Variants in DENND2C observed in about 807,000 individuals in gnomAD.
DENND2C encodes the protein DENN domain-containing protein 2C.
DENND2C carries 72 observed loss-of-function variants against 112.4 expected under a neutral mutation model. The observed-to-expected ratio is 0.64, with a 90% CI of 0.53 to 0.78. The LOEUF is 0.78. Ranked by LOEUF, DENND2C falls within the 30% of genes least tolerant of loss-of-function variation. DENND2C has a pLI of 0.00. For missense variants in DENND2C, 992 were observed against 1,113.8 expected, an observed-to-expected ratio of 0.89 and a Z score of 1.56; for synonymous variants, 329 against 381.6, an observed-to-expected ratio of 0.86 and a Z score of 1.61.
chr1:114,621,840 C>A (rs1656173995), intron 7 of DENND2C, 55 bp downstream of exon 7: 1 of 1,542,942 alleles, frequency 6.5e-7, no homozygotes, highest in African/African-American at 1.4e-5. Flanking sequence ...TACTTATTCT[C>A]ATTCATGGAA....
chr1:114,605,545 A>C (rs536663307), intron 10 of DENND2C, among the ~76,000 whole-genome samples: 2 of 152,226 alleles, frequency 1.3e-5, no homozygotes, highest in Non-Finnish European at 2.9e-5. Flanking sequence ...TAATCCCAGC[A>C]CTTTGGGAGC....
chr1:114,585,367 T>TAA lies in DENND2C; in HGVS notation c.*231_*232dup, dbSNP rs375699722. Reference sequence around the variant, plus strand: ...AAGAATCACATAGAAAAGGCTGCTATAAAAAAAAAATGGAGACAGAGTAAA... The same window carrying TAA: ...AAGAATCACATAGAAAAGGCTGCTATAAAAAAAAAAAATGGAGACAGAGTAAA... On this transcript the variant is annotated 3_prime_UTR_variant, in exon 21 of 21. Transcript: ENST00000393274. 1.9e-4 allele frequency: 75 copies of TAA among 397,924 alleles called. No homozygotes were observed. The highest frequency in any genetic ancestry group is 1.8e-4 in the Non-Finnish European group (39 of 217,612). 24.6% of individuals were successfully genotyped at this position (397,924 alleles called of 1,614,324 possible).
rs147789546 is a variant in DENND2C, at chr1:114,587,117, G to C, written c.2755+270C>G. ...TTCACCATGTTGGACAGGCTAGCTA[G>C]TCTCGAACTCCTAACCTCAGGTGAT... On this transcript the variant is annotated intron_variant, in intron 20 of 20. Transcript: ENST00000393274. The C allele has an allele frequency of 1.1e-4, 43 of 381,108 alleles. 1 individual carries two copies. The highest frequency in any genetic ancestry group is 8.5e-4 in the African/African-American group (42 of 49,446). 23.6% of individuals were successfully genotyped at this position (381,108 alleles called of 1,614,324 possible).
intron 7 of DENND2C, among the ~76,000 whole-genome samples, chr1:114,619,848 G>A (rs997992816): frequency 3.3e-5 from 5 of 152,216 alleles, no homozygotes; most frequent in South Asian, 2.1e-4. Flanking sequence ...AAAACTATGC[G>A]ATAAAGTGAT....
At chr1:114,614,682 C>T (rs1655906891) in intron 8 of DENND2C, among the ~76,000 whole-genome samples, 1 of 152,080 alleles carries the variant, frequency 6.6e-6, no homozygotes, top group South Asian at 2.1e-4. Context: ...ATCCATAAGG[C>T]ATAGACATAC....
At chr1:114,646,829 C>T (rs1177471521) in intron 2 of DENND2C, among the ~76,000 whole-genome samples, 1 of 152,076 alleles carries the variant, frequency 6.6e-6, no homozygotes. Context: ...CTTACACATG[C>T]ATTAGCTTTA....
chr1:114,609,113 C>T (rs1463620950), intron 9 of DENND2C, among the ~76,000 whole-genome samples: 1 of 152,184 alleles, frequency 6.6e-6, no homozygotes, highest in Non-Finnish European at 1.5e-5. Context: ...GTGGGACTGA[C>T]ATTCCATGTC....
At chr1:114,606,552 A>G (rs1655662008) in intron 10 of DENND2C, among the ~76,000 whole-genome samples, 1 of 152,218 alleles carries the variant, frequency 6.6e-6, no homozygotes, top group Non-Finnish European at 1.5e-5. Context: ...TATTAAAGGG[A>G]TCACTCCTTA....
rs1655532132 is a variant in DENND2C at position 114,602,210 on chromosome 1, ATAGT to A, written c.1668-20_1668-17del. ...GAATGTTTCACTGAAAAAAGAGCCA[ATAGT>A]TAGTTTAGGATCCAAACAATTACTT... On this transcript the variant is annotated splice_polypyrimidine_tract_variant and intron_variant, in intron 11 of 20. Transcript: ENST00000393274. The A allele has an allele frequency of 6.2e-7, 1 of 1,612,546 alleles. No homozygotes were observed. The highest frequency in any genetic ancestry group is 8.5e-7 in the Non-Finnish European group (1 of 1,179,292).
intron 3 of DENND2C, among the ~76,000 whole-genome samples, chr1:114,641,953 A>G (rs572460022): frequency 1.3e-5 from 2 of 151,884 alleles, no homozygotes; most frequent in Admixed American, 6.6e-5. Flanking sequence ...ACATATATGT[A>G]TATATATATA....
chr1:114,661,339 T>C (rs1441417684), intron 1 of DENND2C, among the ~76,000 whole-genome samples: 1 of 152,194 alleles, frequency 6.6e-6, no homozygotes, highest in East Asian at 1.9e-4. Context: ...TCAAAAATCA[T>C]GAGCACAACT....
chr1:114,613,172 T>C (rs937803007), intron 8 of DENND2C, among the ~76,000 whole-genome samples: 4 of 152,212 alleles, frequency 2.6e-5, no homozygotes, highest in Non-Finnish European at 5.9e-5. Flanking sequence ...TTTACATCTA[T>C]GCAATGAAAT....
chr1:114,590,059 C>A (rs17032798), intron 18 of DENND2C, among the ~76,000 whole-genome samples: 1 of 152,142 alleles, frequency 6.6e-6, no homozygotes, highest in Admixed American at 6.5e-5. Flanking sequence ...TTGTATTCTT[C>A]TGCAACTTAC....
chr1:114,593,543 G>C (rs1258860578), intron 18 of DENND2C, among the ~76,000 whole-genome samples: 1 of 152,128 alleles, frequency 6.6e-6, no homozygotes, highest in African/African-American at 2.4e-5. Flanking sequence ...CCAGTGCTTT[G>C]TGAGGCTAAG....
intron 4 of DENND2C, 47 bp downstream of exon 4, chr1:114,625,132 T>C (rs1656292231): frequency 4.0e-6 from 6 of 1,515,134 alleles, no homozygotes; most frequent in Non-Finnish European, 4.4e-6. Context: ...TCAATAATCC[T>C]GTAAGGAAAA....
At chr1:114,607,381 C>CT (rs1322220947) in intron 10 of DENND2C, among the ~76,000 whole-genome samples, 1 of 152,204 alleles carries the variant, frequency 6.6e-6, no homozygotes, top group Non-Finnish European at 1.5e-5. Context: ...TGAAGTCCTG[C>CT]TCCTTATTAA....
In DENND2C at chr1:114,601,594, T is replaced by C; in HGVS notation, c.1738-9A>G. 15 of 1,609,306 alleles carry C rather than the reference T, an allele frequency of 9.3e-6. No homozygotes were observed. The highest frequency in any genetic ancestry group is 1.3e-5 in the Non-Finnish European group (15 of 1,178,022). On this transcript the variant is annotated splice_polypyrimidine_tract_variant and intron_variant, in intron 12 of 20. Coordinates refer to ENST00000393274, the MANE Select transcript of DENND2C (RefSeq NM_001256404.2). ...TTTCCTTTGCCTACTGGCTAAAAGATAAAAACAACAACAACAAAAAAATCA... is the reference window on the plus strand; with the variant it reads ...TTTCCTTTGCCTACTGGCTAAAAGACAAAAACAACAACAACAAAAAAATCA...
At chr1:114,617,416 T>C (rs1258773097) in intron 8 of DENND2C, among the ~76,000 whole-genome samples, 1 of 152,176 alleles carries the variant, frequency 6.6e-6, no homozygotes, top group Admixed American at 6.5e-5. Flanking sequence ...GTTCAAGTGA[T>C]TCTCCTGCCT....
intron 7 of DENND2C, among the ~76,000 whole-genome samples, chr1:114,620,423 C>A (rs1056391390): frequency 1.3e-5 from 2 of 152,174 alleles, no homozygotes; most frequent in African/African-American, 4.8e-5. Context: ...ATACATAAAA[C>A]ATTGAGGCAA....
Sources: allele counts gnomAD v4.1 joint callset (sites outside exome capture counted in the v4.1 genomes callset), GRCh38; gene constraint gnomAD v4.1.1; transcripts MANE v1.5; gene names NCBI Gene and HGNC (gene_info 2026-07-23, HGNC 2026-07-21).